MED26: variants seen among roughly 807,000 people sequenced by gnomAD.
MED26 encodes mediator complex subunit 26, also known as mediator of RNA polymerase II transcription subunit 26.
In MED26, 7 loss-of-function variants were observed where a neutral mutation model predicts 43.7. The observed-to-expected ratio is 0.16, with a 90% confidence interval of 0.09 to 0.30. The LOEUF is 0.30. Among genes scored for constraint, MED26 ranks in the 10% least tolerant of loss-of-function variants. The pLI is 1.00. For missense variants in MED26, 784 were observed against 840.6 expected (o/e 0.93, Z 0.83); for synonymous variants, 375 against 371.1 (o/e 1.01, Z -0.12).
chr19:16,595,095 A>G (rs1432012784), intron 1 of MED26, among the ~76,000 whole-genome samples: 1 of 152,052 alleles, frequency 6.6e-6, no homozygotes, highest in East Asian at 1.9e-4. Context: ...CTCACTGCGG[A>G]TTCACACTCC....
chr19:16,609,491 T>C (rs1599344461), intron 1 of MED26, among the ~76,000 whole-genome samples: 1 of 152,264 alleles, frequency 6.6e-6, no homozygotes, highest in South Asian at 2.1e-4. Context: ...TTGCAAATTA[T>C]ATGCCACCCA....
intron 1 of MED26, among the ~76,000 whole-genome samples, chr19:16,579,178 A>G (rs895141530): frequency 6.6e-5 from 10 of 152,222 alleles, no homozygotes; most frequent in Non-Finnish European, 1.3e-4. Flanking sequence ...AGAAAGTCAC[A>G]AAGTGGGAGA....
intron 1 of MED26, among the ~76,000 whole-genome samples, chr19:16,609,157 A>T (rs535757888): frequency 6.6e-6 from 1 of 152,174 alleles, no homozygotes; most frequent in Non-Finnish European, 1.5e-5. Context: ...TCTACTAAAA[A>T]TACAAAAATT....
intron 1 of MED26, among the ~76,000 whole-genome samples, chr19:16,580,431 C>T (rs550824610): frequency 2.0e-5 from 3 of 151,958 alleles, no homozygotes; most frequent in Admixed American, 1.3e-4. Flanking sequence ...TGCAATGGCA[C>T]GATCTCGGCT....
chr19:16,623,746 G>T (rs1470385758), intron 1 of MED26, among the ~76,000 whole-genome samples: 1 of 152,066 alleles, frequency 6.6e-6, no homozygotes, highest in African/African-American at 2.4e-5. Flanking sequence ...TGCCTCTTCC[G>T]GAGCCATCTC....
chr19:16,604,103 C>A (rs764461767), intron 1 of MED26, among the ~76,000 whole-genome samples: 53 of 152,204 alleles, frequency 3.5e-4, no homozygotes, highest in Non-Finnish European at 7.2e-4. Context: ...GATCATGAAG[C>A]GGCTTCTAGC....
Position 16,596,954 on chromosome 19 carries a change from A to G in MED26, c.73-18545T>C, listed in dbSNP as rs554358708. Among the ~76,000 whole-genome samples, 28 of 152,222 alleles carry G rather than the reference A, an allele frequency of 1.8e-4. No homozygotes were observed. In the South Asian group the frequency reaches 5.2e-3, roughly 28 times the overall value. On this transcript the variant is annotated intron_variant, in intron 1 of 2. Coordinates refer to ENST00000263390, the MANE Select transcript of MED26 (RefSeq NM_004831.5). Reference sequence around the variant, plus strand: ...CCAACTTGCAGCAGTTCATATTCCAACCTCACAAGAAGACCACCACTCCAT... The same window carrying G: ...CCAACTTGCAGCAGTTCATATTCCAGCCTCACAAGAAGACCACCACTCCAT...
intron 1 of MED26, chr19:16,610,939 G>C (rs1431530604): frequency 6.6e-6 from 1 of 152,392 alleles, no homozygotes; most frequent in Admixed American, 6.5e-5. Flanking sequence ...AAGGGTTCAA[G>C]TTAAGCTGAG....
rs763574102 is a variant in MED26 at position 16,576,667 on chromosome 19, C to G, written c.1163G>C (p.Gly388Ala). 1.2e-5 allele frequency: 20 copies of G among 1,613,998 alleles called. No individual in the cohort carries two copies. Among genetic ancestry groups the G allele is most frequent in the Non-Finnish European group, 1.4e-5 (17 of 1,180,052 alleles). Reference protein sequence around the residue: ...KADSDAASSGGSDSKKKKRYR... With the variant: ...KADSDAASSGASDSKKKKRYR... ...CCTCTTCTTCTTTTTACTGTCCGAG[C>G]CCCCTGAGGAGGCAGCATCACTGTC... The change falls in exon 3 of 3, where the codon GGC becomes GCC. Residue 388 changes from glycine to alanine, a missense_variant. Gly to Ala is a moderately conservative substitution (Grantham distance 60). Transcript: ENST00000263390. The surrounding 1 kb of genome is among the most constrained non-coding windows in gnomAD (Gnocchi z 6.8).
rs35572400 is a variant in MED26 at position 16,598,336 on chromosome 19, C to CAAA, written c.73-19930_73-19928dup. Among the ~76,000 whole-genome samples, 351 of 63,150 alleles carry CAAA rather than the reference C, an allele frequency of 5.6e-3. 8 individuals carry two copies. The highest frequency in any genetic ancestry group is 0.017 in the African/African-American group (230 of 13,734). 41.4% of individuals were successfully genotyped at this position (63,150 alleles called of 152,430 possible). On this transcript the variant is annotated intron_variant, in intron 1 of 2. Transcript: ENST00000263390. ...TGGGCGACAGAGTAAGATTCCATCT[C>CAAA]AAAAAAAAAAAAAAAAAAAAAAAAT...
intron 1 of MED26, among the ~76,000 whole-genome samples, chr19:16,593,185 G>A (rs1300930848): frequency 1.3e-5 from 2 of 152,296 alleles, no homozygotes; most frequent in African/African-American, 2.4e-5. Context: ...GTGCCTATCC[G>A]AAGTCACTGC....
At chr19:16,602,533 T>C (rs1440788240) in intron 1 of MED26, among the ~76,000 whole-genome samples, 1 of 152,172 alleles carries the variant, frequency 6.6e-6, no homozygotes, top group Non-Finnish European at 1.5e-5. Context: ...TGGACAGACA[T>C]TTACACACCC....
At chr19:16,580,319 C>G (rs1439082257) in intron 1 of MED26, among the ~76,000 whole-genome samples, 1 of 152,038 alleles carries the variant, frequency 6.6e-6, no homozygotes, top group Non-Finnish European at 1.5e-5. Context: ...GGGATCCTCT[C>G]TAGAGGATCC....
At chr19:16,589,697 C>T (rs2086087324) in intron 1 of MED26, among the ~76,000 whole-genome samples, 1 of 152,110 alleles carries the variant, frequency 6.6e-6, no homozygotes, top group African/African-American at 2.4e-5. Context: ...CAGATGTGTT[C>T]ATAAATGTTC....
In MED26 at chr19:16,576,381, G is replaced by A. The variant is rs746642278; in HGVS notation, c.1449C>T (p.Asn483=). ...GGCTCAGGTAGGACTGGATGATCTC[G>A]TTGCGTGACAGCTCCTTCCAGTTCG... The part of the protein sequence containing the change: ...EQTNWKELSR[N]EIIQSYLSRQ... The change falls in exon 3 of 3, where the codon AAC becomes AAT. Residue 483 remains asparagine (N), a synonymous_variant. Transcript: ENST00000263390. The surrounding 1 kb of genome is among the most constrained non-coding windows in gnomAD (Gnocchi z 6.8). 1.1e-5 allele frequency: 18 copies of A among 1,613,990 alleles called. No homozygotes were observed. Among genetic ancestry groups the A allele is most frequent in the South Asian group, 8.8e-5 (8 of 91,080 alleles).
chr19:16,607,073 G>A (rs2086176922), intron 1 of MED26, among the ~76,000 whole-genome samples: 1 of 152,130 alleles, frequency 6.6e-6, no homozygotes, highest in African/African-American at 2.4e-5. Flanking sequence ...CAGGCACGAT[G>A]GCATACACCT....
intron 1 of MED26, among the ~76,000 whole-genome samples, chr19:16,583,428 C>T (rs919507031): frequency 6.6e-6 from 1 of 152,168 alleles, no homozygotes. Context: ...CAACACTGAC[C>T]GCCCCTGCCC....
rs2122370444 is a variant in MED26, at chr19:16,576,581, G to A, written c.1249C>T (p.Pro417Ser). ...DGQVAEAGVKPVRLKERKLTF... is the reference protein window; with the variant it reads ...DGQVAEAGVKSVRLKERKLTF... The stretch of plus-strand genomic sequence containing the variant: ...AGCTTCCGCTCTTTTAACCGGACAG[G>A]CTTGACGCCCGCCTCAGCCACCTGC... Residue 417 changes from proline (P) to serine (S), a missense_variant, in exon 3 of 3, where the codon CCT becomes TCT. Pro to Ser is a moderately conservative substitution (Grantham distance 74, BLOSUM62 -1). Coordinates refer to ENST00000263390, the MANE Select transcript of MED26 (RefSeq NM_004831.5). This position sits in a 1 kb window ranked among gnomAD's most constrained non-coding sequence, Gnocchi z 6.8. 1.2e-6 allele frequency: 2 copies of A among 1,614,224 alleles called. No homozygotes were observed. Among genetic ancestry groups the A allele is most frequent in the Non-Finnish European group, 1.7e-6 (2 of 1,180,036 alleles).
chr19:16,592,380 G>A (rs941691848), intron 1 of MED26, among the ~76,000 whole-genome samples: 6 of 152,178 alleles, frequency 3.9e-5, no homozygotes, highest in Non-Finnish European at 8.8e-5. Context: ...AGCCTCTCCC[G>A]ATGGTGGTGT....
Sources: gnomAD v4.1 joint callset for allele counts (sites outside exome capture counted in the v4.1 genomes callset) on GRCh38, gnomAD v4.1.1 for gene constraint, Gnocchi (gnomAD v3.1) non-coding constraint, MANE v1.5 for transcripts, NCBI Gene and HGNC (gene_info 2026-07-23, HGNC 2026-07-21) for gene names.